Variants in EPAS1 observed in about 807,000 individuals in gnomAD.
EPAS1 encodes the protein endothelial PAS domain protein 1.
Under a neutral mutation model 87.9 loss-of-function variants are expected in EPAS1, and 23 were observed. The ratio of observed to expected loss-of-function variants is 0.26; its 90% confidence interval spans 0.19 to 0.37. EPAS1 has a LOEUF of 0.37. EPAS1 is among the 10% of genes least tolerant of loss of function. The pLI is 1.00. For synonymous variants in EPAS1, 508 were observed against 444.3 expected (o/e 1.14, Z -1.80); for missense variants, 1,138 against 1,120.7 (o/e 1.02, Z -0.22).
chr2:46,378,542 T>C (rs1398161307), intron 10 of EPAS1, 115 bp from the exon 11 acceptor site: 10 of 835,372 alleles, frequency 1.2e-5, no homozygotes, highest in Non-Finnish European at 2.0e-5. Context: ...AATAGTTGTG[T>C]GGTGGAATGG....
At chr2:46,332,288 AT>A (rs1683695575) in intron 1 of EPAS1, among the ~76,000 whole-genome samples, 1 of 115,002 alleles carries the variant, frequency 8.7e-6, no homozygotes, top group Non-Finnish European at 1.8e-5. Context: ...AAAAAAAAAA[AT>A]ACGTGTGTGT....
rs533126433 is a variant in EPAS1, at chr2:46,343,534, C to A, written c.27-3339C>A. Among the ~76,000 whole-genome samples the A allele has an allele frequency of 3.9e-5, 6 of 152,330 alleles. No individual in the cohort carries two copies. In the South Asian group the frequency reaches 8.3e-4, roughly 21 times the overall value. On this transcript the variant is annotated intron_variant, in intron 1 of 15. Coordinates refer to ENST00000263734, the MANE Select transcript of EPAS1 (RefSeq NM_001430.5). The stretch of plus-strand genomic sequence containing the variant: ...ATTTAATCTCTCTAAATCTCCACAT[C>A]CTCATCTATTAAATGGAGATGATAG...
chr2:46,321,429 T>C (rs1467469809), intron 1 of EPAS1, among the ~76,000 whole-genome samples: 1 of 152,224 alleles, frequency 6.6e-6, no homozygotes, highest in South Asian at 2.1e-4. Context: ...GTGTTTATTT[T>C]TTTCAAAAAC....
At chr2:46,350,577 C>G (rs912792080) in intron 2 of EPAS1, among the ~76,000 whole-genome samples, 12 of 152,228 alleles carry the variant, frequency 7.9e-5, no homozygotes, top group African/African-American at 2.7e-4. Context: ...ACAGAACACA[C>G]TCTTACAGGA....
At position 46,381,676 on chromosome 2, in the gene EPAS1, A is replaced by G; in HGVS notation, c.2126A>G (p.Lys709Arg). The change falls in exon 13 of 16, where the codon AAG becomes AGG. Residue 709 changes from lysine to arginine, a missense_variant. Lys to Arg is a conservative substitution (Grantham distance 26). Transcript: ENST00000263734. ...MVALSNKLKL[K>R]RQLEYEEQAF... is the part of the protein sequence containing the mutation. ...GCCCTCTCCAACAAGCTGAAGCTGA[A>G]GCGACAGCTGGAGTATGAAGAGCAA... 6.2e-7 allele frequency: 1 copy of G among 1,614,020 alleles called. No individual in the cohort carries two copies. Among genetic ancestry groups the G allele is most frequent in the Admixed American group, 1.7e-5 (1 of 60,034 alleles).
chr2:46,316,087 A>G (rs1406503846), intron 1 of EPAS1, among the ~76,000 whole-genome samples: 2 of 152,216 alleles, frequency 1.3e-5, no homozygotes, highest in Non-Finnish European at 2.9e-5. Context: ...GAATATTGAT[A>G]TATAATTACA....
At chr2:46,365,423 T>G (rs927846120) in intron 6 of EPAS1, among the ~76,000 whole-genome samples, 27 of 152,170 alleles carry the variant, frequency 1.8e-4, no homozygotes, top group African/African-American at 6.0e-4. Flanking sequence ...GTGGATAAAT[T>G]TATGGTGAAT....
intron 1 of EPAS1, among the ~76,000 whole-genome samples, chr2:46,321,544 TTTTTG>T (rs1383046405): frequency 2.0e-5 from 3 of 152,244 alleles, no homozygotes; most frequent in African/African-American, 7.2e-5. Flanking sequence ...TATTTTCTGT[TTTTTG>T]TTTTGTTTTG....
At chr2:46,367,262 G>A (rs781007089) in intron 6 of EPAS1, among the ~76,000 whole-genome samples, 3 of 152,156 alleles carry the variant, frequency 2.0e-5, no homozygotes, top group East Asian at 1.9e-4. Context: ...TTCTAATCTC[G>A]AAAGGAAATT....
chr2:46,356,956 AGAT>A, intron 4 of EPAS1, 148 bp downstream of exon 4: 1 of 683,552 alleles, frequency 1.5e-6, no homozygotes, highest in Non-Finnish European at 2.7e-6. Context: ...GTAGCCTGTG[AGAT>A]GAGATTGGGG....
chr2:46,339,268 T>A (rs1683858667), intron 1 of EPAS1, among the ~76,000 whole-genome samples: 1 of 152,244 alleles, frequency 6.6e-6, no homozygotes. Context: ...TTGCTTATAC[T>A]AAATATGCAT....
chr2:46,363,862 T>G (rs1684451821), intron 6 of EPAS1, among the ~76,000 whole-genome samples: 1 of 152,210 alleles, frequency 6.6e-6, no homozygotes, highest in South Asian at 2.1e-4. Flanking sequence ...GTAGAAGCAT[T>G]TAAAGACATA....
intron 1 of EPAS1, among the ~76,000 whole-genome samples, chr2:46,340,599 C>A (rs1197175730): frequency 1.3e-5 from 2 of 152,202 alleles, no homozygotes; most frequent in Non-Finnish European, 2.9e-5. Context: ...AGGATAGAGA[C>A]CATGCCCCTC....
At position 46,300,620 on chromosome 2, in the gene EPAS1, G is replaced by T. The variant is rs766430765; in HGVS notation, c.26+2683G>T. Among the ~76,000 whole-genome samples, 2 of 152,086 alleles carry T rather than the reference G, an allele frequency of 1.3e-5. No individual in the cohort carries two copies. Among genetic ancestry groups the T allele is most frequent in the Admixed American group, 6.5e-5 (1 of 15,274 alleles). On this transcript the variant is annotated intron_variant, in intron 1 of 15. Transcript: ENST00000263734. This position sits in a 1 kb window ranked among gnomAD's most constrained non-coding sequence, Gnocchi z 4.1. ...CACTTTCACTCACCTTTTTGTGCACGCATCTATCAGGAATGCCTGAGTCCT... is the reference window on the plus strand; with the variant it reads ...CACTTTCACTCACCTTTTTGTGCACTCATCTATCAGGAATGCCTGAGTCCT...
rs1684031480 is a variant in EPAS1, at chr2:46,346,588, T to C, written c.27-285T>C. On this transcript the variant is annotated intron_variant, in intron 1 of 15. Transcript: ENST00000263734. The surrounding 1 kb of genome is among the most constrained non-coding windows in gnomAD (Gnocchi z 4.0). ...TAGGTCCCAGGCATTGGTAGTTAAT[T>C]TAATCAGCCAGTCTTTGCCCAGACT... is the stretch of plus-strand genomic sequence containing the variant. 6.6e-6 allele frequency among the ~76,000 whole-genome samples: 1 copy of C among 152,150 alleles called. No individual in the cohort carries two copies. Among genetic ancestry groups the C allele is most frequent in the South Asian group, 2.1e-4 (1 of 4,824 alleles).
chr2:46,349,289 G>T (rs915682841), intron 2 of EPAS1, among the ~76,000 whole-genome samples: 1 of 152,166 alleles, frequency 6.6e-6, no homozygotes, highest in Admixed American at 6.5e-5. Flanking sequence ...CCTGAGCCTG[G>T]CTGTCCATCT....
chr2:46,356,658 G>C, intron 3 of EPAS1, 66 bp from the exon 4 acceptor site: 1 of 1,309,964 alleles, frequency 7.6e-7, no homozygotes, highest in Non-Finnish European at 1.1e-6. Flanking sequence ...AGGTGGCTCA[G>C]CTTACTCTTG....
intron 2 of EPAS1, among the ~76,000 whole-genome samples, chr2:46,348,638 A>G (rs904323511): frequency 1.3e-5 from 2 of 152,184 alleles, no homozygotes; most frequent in African/African-American, 4.8e-5. Context: ...CACCACTCCC[A>G]ATTCCTCCAC....
In EPAS1 at chr2:46,380,088, C is replaced by T; in HGVS notation, c.1555-139C>T. The T allele has an allele frequency of 7.1e-7, 1 of 1,415,944 alleles. No individual in the cohort carries two copies. The highest frequency in any genetic ancestry group is 9.9e-7 in the Non-Finnish European group (1 of 1,015,204). The allele number at this position is 1,415,944 out of a possible 1,614,324, so 87.7% of individuals were successfully genotyped here. Reference sequence around the variant, plus strand: ...AAGTCTGAGGTTTTCCTGATAGGCCCTCGGGAGCCAGTGGAGGCGTTTGAG... The same window carrying T: ...AAGTCTGAGGTTTTCCTGATAGGCCTTCGGGAGCCAGTGGAGGCGTTTGAG... On this transcript the variant is annotated intron_variant, in intron 11 of 15. Coordinates refer to ENST00000263734, the MANE Select transcript of EPAS1 (RefSeq NM_001430.5). The surrounding 1 kb of genome is among the most constrained non-coding windows in gnomAD (Gnocchi z 4.4).
Sources: allele counts gnomAD v4.1 joint callset (sites outside exome capture counted in the v4.1 genomes callset), GRCh38; gene constraint gnomAD v4.1.1; non-coding constraint Gnocchi (gnomAD v3.1); transcripts MANE v1.5; gene names NCBI Gene and HGNC (gene_info 2026-07-23, HGNC 2026-07-21).